The following CHUK variants were observed in gnomAD, a reference collection of about 807,000 sequenced individuals.
The protein encoded by CHUK is inhibitor of nuclear factor kappa-B kinase subunit alpha.
CHUK carries 35 observed loss-of-function variants against 104.8 expected under a neutral mutation model. That is an observed-to-expected ratio of 0.33 (90% CI 0.26 to 0.44). CHUK has a LOEUF of 0.44. Among genes scored for constraint, CHUK ranks in the 20% least tolerant of loss-of-function variants. The pLI is 1.00. For synonymous variants in CHUK, 276 were observed against 291.9 expected, an observed-to-expected ratio of 0.95 and a Z score of 0.56; for missense variants, 663 against 902.7, an observed-to-expected ratio of 0.73 and a Z score of 3.40.
intron 13 of CHUK, among the ~76,000 whole-genome samples, chr10:100,204,251 A>G (rs1845537604): frequency 1.3e-5 from 2 of 152,254 alleles, no homozygotes; most frequent in African/African-American, 4.8e-5. Context: ...TTGAAATTCA[A>G]GATTATTAAA....
In CHUK at chr10:100,229,560, T is replaced by C. The variant is rs1312389758; in HGVS notation, c.-28A>G. The C allele has an allele frequency of 2.6e-5, 37 of 1,433,220 alleles. No individual in the cohort carries two copies. The highest frequency in any genetic ancestry group is 3.5e-5 in the Non-Finnish European group (37 of 1,060,662). The allele number at this position is 1,433,220 out of a possible 1,614,324, so 88.8% of individuals were successfully genotyped here. A position where few individuals can be genotyped will look rare whatever the true frequency, so the allele number is the denominator to read the frequency against. On this transcript the variant is annotated 5_prime_UTR_variant, in exon 1 of 21. Coordinates refer to ENST00000370397, the MANE Select transcript of CHUK (RefSeq NM_001278.5). ...GGCGGGAGGGCAAGCGGCCTCAGGTTCCACAGTTGTTCCAAGGCCGGTTCC... is the reference window on the plus strand; with the variant it reads ...GGCGGGAGGGCAAGCGGCCTCAGGTCCCACAGTTGTTCCAAGGCCGGTTCC...
chr10:100,216,901 G>C (rs181756490), intron 9 of CHUK, among the ~76,000 whole-genome samples: 53 of 152,222 alleles, frequency 3.5e-4, no homozygotes, highest in Admixed American at 6.5e-4. Flanking sequence ...GTTAATAAAA[G>C]AAGTAAAACA....
chr10:100,193,609 CT>C (rs1845255170), intron 18 of CHUK, 178 bp from the exon 19 acceptor site: 1 of 740,602 alleles, frequency 1.4e-6, no homozygotes, highest in Non-Finnish European at 2.2e-6. Context: ...TCCTTGGACC[CT>C]TTCTTCATTG....
intron 3 of CHUK, 136 bp downstream of exon 3, chr10:100,222,730 A>C (rs1304820195): frequency 1.5e-6 from 1 of 664,302 alleles, no homozygotes; most frequent in Admixed American, 2.1e-5. Context: ...GCTGTGTTCC[A>C]ATAAAACTTT....
intron 10 of CHUK, among the ~76,000 whole-genome samples, chr10:100,207,765 G>A (rs1418950497): frequency 6.6e-6 from 1 of 152,298 alleles, no homozygotes; most frequent in East Asian, 1.9e-4. Context: ...GTTTCCTGGG[G>A]TGGACAGAAT....
chr10:100,220,545 C>T (rs758775737), intron 5 of CHUK, 43 bp downstream of exon 5: 52 of 1,278,994 alleles, frequency 4.1e-5, no homozygotes, highest in Non-Finnish European at 3.3e-5. Flanking sequence ...ATCAGAGAGA[C>T]TATATTCAAT....
At chr10:100,209,855 T>C in intron 9 of CHUK, 66 bp from the exon 10 acceptor site, 1 of 741,096 alleles carries the variant, frequency 1.3e-6, no homozygotes, top group Non-Finnish European at 2.4e-6. Context: ...CGCTGCCAGA[T>C]ACTAAAAGGT....
chr10:100,205,916 G>T (rs1410766687), intron 11 of CHUK, among the ~76,000 whole-genome samples: 1 of 152,114 alleles, frequency 6.6e-6, no homozygotes, highest in Non-Finnish European at 1.5e-5. Context: ...CGACAAGAGT[G>T]AAACTCCATC....
At chr10:100,201,908 CA>C (rs1387736435) in intron 14 of CHUK, among the ~76,000 whole-genome samples, 179 bp downstream of exon 14, 2 of 152,044 alleles carry the variant, frequency 1.3e-5, no homozygotes, top group Non-Finnish European at 2.9e-5. Context: ...GTAATTTTCC[CA>C]AAGCCCTTGT....
At chr10:100,208,470 T>C (rs775283454) in intron 10 of CHUK, among the ~76,000 whole-genome samples, 38 of 150,960 alleles carry the variant, frequency 2.5e-4, no homozygotes, top group Non-Finnish European at 5.0e-4. Flanking sequence ...AAATAACAAC[T>C]GTTTCAGCAC....
chr10:100,203,780 G>GA (rs1161657589), intron 13 of CHUK, among the ~76,000 whole-genome samples: 1 of 151,834 alleles, frequency 6.6e-6, no homozygotes, highest in East Asian at 1.9e-4. Flanking sequence ...TAGATGGTTT[G>GA]AAAAAAACAT....
chr10:100,218,816 C>T lies in CHUK; in HGVS notation c.699G>A (p.Lys233=). Residue 233 remains lysine, a synonymous_variant, in exon 8 of 21, where the codon AAG becomes AAA. Coordinates refer to ENST00000370397, the MANE Select transcript of CHUK (RefSeq NM_001278.5). ...HHLQPFTWHE[K]IKKKDPKCIF... Reference sequence around the variant, plus strand: ...TACACTTTGGATCCTTCTTCTTAATCTTCTCATGCCTATAAAATCAAAAGC... The same window carrying T: ...TACACTTTGGATCCTTCTTCTTAATTTTCTCATGCCTATAAAATCAAAAGC... 6.2e-7 allele frequency: 1 copy of T among 1,611,934 alleles called. No individual in the cohort carries two copies. Among genetic ancestry groups the T allele is most frequent in the Non-Finnish European group, 8.5e-7 (1 of 1,178,126 alleles).
intron 9 of CHUK, among the ~76,000 whole-genome samples, chr10:100,215,750 C>G (rs1845841085): frequency 6.6e-6 from 1 of 152,134 alleles, no homozygotes; most frequent in South Asian, 2.1e-4. Context: ...TCATTCCTTT[C>G]TTGTACAATA....
At chr10:100,206,284 T>A (rs917710890) in intron 11 of CHUK, among the ~76,000 whole-genome samples, 2 of 152,204 alleles carry the variant, frequency 1.3e-5, no homozygotes, top group East Asian at 1.9e-4. Context: ...TTATGTTTTT[T>A]ATTTATTTTT....
rs966374893 is a variant in CHUK, at chr10:100,209,604, TAGAA to T, written c.1115_1118del (p.Val372GlufsTer35). ...TAATTAATTTTCTTACAACTCCATCTAGAACACATTGAGAGGCTGGTTTCCGAGG... is the reference window on the plus strand; with the variant it reads ...TAATTAATTTTCTTACAACTCCATCTCACATTGAGAGGCTGGTTTCCGAGG... On this transcript the variant is annotated frameshift_variant, in exon 10 of 21. Coordinates refer to ENST00000370397, the MANE Select transcript of CHUK (RefSeq NM_001278.5). LOFTEE classifies it high-confidence loss of function. The T allele has an allele frequency of 6.3e-7, 1 of 1,595,656 alleles. No individual in the cohort carries two copies. The highest frequency in any genetic ancestry group is 8.6e-7 in the Non-Finnish European group (1 of 1,163,138).
At chr10:100,218,390 C>G (rs1845910479) in intron 8 of CHUK, among the ~76,000 whole-genome samples, 1 of 152,214 alleles carries the variant, frequency 6.6e-6, no homozygotes, top group African/African-American at 2.4e-5. Context: ...AACCCATTTA[C>G]TTCATTATCC....
chr10:100,197,444 T>C (rs1015109329), intron 16 of CHUK, among the ~76,000 whole-genome samples: 4 of 152,278 alleles, frequency 2.6e-5, no homozygotes, highest in Admixed American at 6.5e-5. Flanking sequence ...TCTCAAACTT[T>C]TTGGTCTCAG....
At chr10:100,225,164 T>C (rs182848365) in intron 2 of CHUK, among the ~76,000 whole-genome samples, 1 of 152,344 alleles carries the variant, frequency 6.6e-6, no homozygotes, top group African/African-American at 2.4e-5. Flanking sequence ...TCAAATACTT[T>C]CACAATGTTT....
intron 18 of CHUK, 154 bp downstream of exon 18, chr10:100,193,830 G>T: frequency 1.4e-6 from 1 of 692,266 alleles, no homozygotes; most frequent in East Asian, 2.7e-5. Context: ...CATCTCAATT[G>T]CTAGTCTGGA....
Sources: gnomAD v4.1 joint callset for allele counts (sites outside exome capture counted in the v4.1 genomes callset) on GRCh38, gnomAD v4.1.1 for gene constraint, MANE v1.5 for transcripts, NCBI Gene and HGNC (gene_info 2026-07-23, HGNC 2026-07-21) for gene names.